The following TGFBRAP1 variants were observed in gnomAD, a reference collection of about 807,000 sequenced individuals.
TGFBRAP1 encodes the protein transforming growth factor beta receptor associated protein 1.
In TGFBRAP1, 20 loss-of-function variants were observed where a neutral mutation model predicts 83.2. The ratio of observed to expected loss-of-function variants is 0.24; its 90% CI spans 0.17 to 0.35. The LOEUF (loss-of-function observed/expected upper bound fraction) is 0.35. Ranked by LOEUF, TGFBRAP1 falls within the 10% of genes least tolerant of loss-of-function variation. TGFBRAP1 has a pLI of 1.00. For synonymous variants in TGFBRAP1, 415 were observed against 459.8 expected (o/e 0.90, Z 1.25); for missense variants, 950 against 1,099.4 (o/e 0.86, Z 1.92).
chr2:105,295,537 G>A (rs930667677), intron 4 of TGFBRAP1, among the ~76,000 whole-genome samples: 3 of 152,096 alleles, frequency 2.0e-5, no homozygotes, highest in Non-Finnish European at 4.4e-5. Flanking sequence ...TCCTGGCCGG[G>A]CACGGTGGCT....
At position 105,285,148 on chromosome 2, in the gene TGFBRAP1, T is replaced by G. The variant is rs1453603952; in HGVS notation, c.1039-750A>C. 2.0e-5 allele frequency among the ~76,000 whole-genome samples: 3 copies of G among 152,230 alleles called. No individual in the cohort carries two copies. The East Asian group carries it at 5.8e-4, about 29-fold the overall frequency. ...TGTTTCTTCACTCTGTTCCTACAGATGCCAACACCATAGCCCAGGCTCTAA... is the reference window on the plus strand; with the variant it reads ...TGTTTCTTCACTCTGTTCCTACAGAGGCCAACACCATAGCCCAGGCTCTAA... On this transcript the variant is annotated intron_variant, in intron 4 of 11. Transcript: ENST00000393359.
At chr2:105,253,031 G>C in the TGFBRAP1 span, among the ~76,000 whole-genome samples, 2 of 152,154 alleles carry the variant, frequency 1.3e-5, no homozygotes, top group African/African-American at 4.8e-5. Context: ...TGGGATTACA[G>C]GCGTGAGCCA....
At chr2:105,250,563 G>A in the TGFBRAP1 span, among the ~76,000 whole-genome samples, 8 of 146,756 alleles carry the variant, frequency 5.5e-5, no homozygotes, top group Admixed American at 4.1e-4. Context: ...AATTGGAAAG[G>A]CTCCTCCTCT....
rs773597479 is a variant in TGFBRAP1 at position 105,308,214 on chromosome 2, C to T, written c.88G>A (p.Val30Met). 9.3e-6 allele frequency: 15 copies of T among 1,614,122 alleles called. 1 individual carries two copies. The highest frequency in any genetic ancestry group is 2.7e-5 in the African/African-American group (2 of 74,946). ...GDKERVNIEC[V>M]ECCGRDLYVG... is the part of the protein sequence containing the mutation. The stretch of plus-strand genomic sequence containing the variant: ...TAGAGGTCCCTGCCGCAGCACTCCA[C>T]GCACTCTATGTTGACGCGCTCCTTG... The change falls in exon 2 of 12, where the codon GTG becomes ATG. Residue 30 changes from valine to methionine, a missense_variant. Val to Met is a conservative substitution (Grantham distance 21). Transcript: ENST00000393359.
At position 105,267,360 on chromosome 2, in the gene TGFBRAP1, C is replaced by G. The variant is rs764329667; in HGVS notation, c.*23G>C. ...GGCTCAGAAAGAACTCGGAGTTCCC[C>G]TCGCACCCTTGGGCCAAGCTTTTCA... On this transcript the variant is annotated 3_prime_UTR_variant, in exon 12 of 12. Transcript: ENST00000393359. 6.2e-7 allele frequency: 1 copy of G among 1,613,164 alleles called. No homozygotes were observed.
intron 2 of TGFBRAP1, among the ~76,000 whole-genome samples, chr2:105,300,140 T>C (rs1192086918): frequency 6.6e-6 from 1 of 152,194 alleles, no homozygotes; most frequent in Admixed American, 6.5e-5. Context: ...TTATTTACCT[T>C]CTTCAAGAAG....
At chr2:105,271,516 T>C (rs1311135940) in intron 10 of TGFBRAP1, among the ~76,000 whole-genome samples, 1 of 152,184 alleles carries the variant, frequency 6.6e-6, no homozygotes, top group Non-Finnish European at 1.5e-5. Flanking sequence ...TAGTGTTTGC[T>C]GGTTTCATGA....
At chr2:105,320,621 C>G (rs1219279967) in intron 1 of TGFBRAP1, among the ~76,000 whole-genome samples, 1 of 152,158 alleles carries the variant, frequency 6.6e-6, no homozygotes, top group Non-Finnish European at 1.5e-5. Flanking sequence ...AAGCACAGCC[C>G]TTAAAATTTT....
intron 10 of TGFBRAP1, among the ~76,000 whole-genome samples, chr2:105,272,589 G>C (rs1677193494): frequency 6.6e-6 from 1 of 152,176 alleles, no homozygotes; most frequent in South Asian, 2.1e-4. Flanking sequence ...AGAGGCTCAA[G>C]GGCTGAGTGT....
At position 105,274,382 on chromosome 2, in the gene TGFBRAP1, C is replaced by A. The variant is rs968059479; in HGVS notation, c.1666-692G>T. Among the ~76,000 whole-genome samples, 22 of 152,330 alleles carry A rather than the reference C, an allele frequency of 1.4e-4. 1 individual carries two copies. The highest frequency in any genetic ancestry group is 1.0e-3 in the Admixed American group (16 of 15,286). ...TGTGCACGCACACACGCACCTCCCC[C>A]CTCCAAGGCCAATACATTCACGTAT... On this transcript the variant is annotated intron_variant, in intron 8 of 11. Transcript: ENST00000393359.
At chr2:105,327,557 G>C (rs1485593088) in intron 1 of TGFBRAP1, among the ~76,000 whole-genome samples, 1 of 152,118 alleles carries the variant, frequency 6.6e-6, no homozygotes, top group African/African-American at 2.4e-5. Context: ...GACAGAGCAA[G>C]ACCCTGTCTC....
intron 2 of TGFBRAP1, among the ~76,000 whole-genome samples, chr2:105,299,272 A>G (rs1023688355): frequency 6.6e-6 from 1 of 151,888 alleles, no homozygotes; most frequent in Non-Finnish European, 1.5e-5. Context: ...CAGAGTGAGA[A>G]CCTGTCTAAA....
In TGFBRAP1 at chr2:105,269,821, C is replaced by G; in HGVS notation, c.1973-116G>C. 8.4e-7 allele frequency: 1 copy of G among 1,183,726 alleles called. No individual in the cohort carries two copies. The highest frequency in any genetic ancestry group is 1.1e-6 in the Non-Finnish European group (1 of 880,194). 73.3% of individuals were successfully genotyped at this position (1,183,726 alleles called of 1,614,324 possible). A position where few individuals can be genotyped will look rare whatever the true frequency, so the allele number is the denominator to read the frequency against. On this transcript the variant is annotated intron_variant, in intron 10 of 11. Transcript: ENST00000393359. This position sits in a 1 kb window ranked among gnomAD's most constrained non-coding sequence, Gnocchi z 4.1. Reference sequence around the variant, plus strand: ...GGGAAAAGTCAACCTGGCTCCCTCACAATGCCAAATGCTGCCACCCAGATG... The same window carrying G: ...GGGAAAAGTCAACCTGGCTCCCTCAGAATGCCAAATGCTGCCACCCAGATG...
chr2:105,276,312 G>C (rs1221670762), intron 7 of TGFBRAP1, among the ~76,000 whole-genome samples: 1 of 152,192 alleles, frequency 6.6e-6, no homozygotes, highest in Non-Finnish European at 1.5e-5. Context: ...CAGGACCCCA[G>C]AATGAGGCAG....
chr2:105,319,292 C>T (rs980702063), intron 1 of TGFBRAP1, among the ~76,000 whole-genome samples: 6 of 151,730 alleles, frequency 4.0e-5, no homozygotes, highest in African/African-American at 1.5e-4. Context: ...AAACTCCTGA[C>T]CTCAAGTGAT....
At chr2:105,288,849 C>A (rs1324586058) in intron 4 of TGFBRAP1, among the ~76,000 whole-genome samples, 1 of 151,880 alleles carries the variant, frequency 6.6e-6, no homozygotes, top group Non-Finnish European at 1.5e-5. Flanking sequence ...TATATATATC[C>A]CTTTGTGAGG....
chr2:105,262,082 G>A (rs1676801845), downstream of TGFBRAP1, among the ~76,000 whole-genome samples: 1 of 152,116 alleles, frequency 6.6e-6, no homozygotes, highest in African/African-American at 2.4e-5. Context: ...ACCCTGCCCT[G>A]ACTTCCATTG....
At chr2:105,299,878 C>T (rs1041093286) in intron 2 of TGFBRAP1, among the ~76,000 whole-genome samples, 8 of 152,060 alleles carry the variant, frequency 5.3e-5, no homozygotes, top group African/African-American at 1.9e-4. Context: ...CCTCGAAGCC[C>T]CACTTGGGAA....
At chr2:105,307,429 C>T (rs189121963) in intron 2 of TGFBRAP1, among the ~76,000 whole-genome samples, 185 bp downstream of exon 2, 3 of 152,336 alleles carry the variant, frequency 2.0e-5, no homozygotes, top group East Asian at 1.9e-4. Flanking sequence ...TCCAACCCCA[C>T]GTTCACAGAA....
Sources: gnomAD v4.1 joint callset for allele counts (sites outside exome capture counted in the v4.1 genomes callset) on GRCh38, gnomAD v4.1.1 for gene constraint, Gnocchi (gnomAD v3.1) non-coding constraint, MANE v1.5 for transcripts, NCBI Gene and HGNC (gene_info 2026-07-23, HGNC 2026-07-21) for gene names.